The following RGS6 variants were observed in gnomAD, a reference collection of about 807,000 sequenced individuals.
The protein encoded by RGS6 is regulator of G-protein signaling 6.
A neutral mutation model predicts 78.5 loss-of-function variants in RGS6; 30 were observed. That is an observed-to-expected ratio of 0.38 (90% CI 0.29 to 0.52). The LOEUF is 0.52. RGS6 is among the 20% of genes least tolerant of loss of function. RGS6 has a pLI of 0.85. For synonymous variants in RGS6, 206 were observed against 206.0 expected, an observed-to-expected ratio of 1.00 and a Z score of 0.00; for missense variants, 495 against 609.7, an observed-to-expected ratio of 0.81 and a Z score of 1.98.
At chr14:72,433,345 T>G in intron 3 of RGS6, among the ~76,000 whole-genome samples, 1 of 150,892 alleles carries the variant, frequency 6.6e-6, no homozygotes, top group Non-Finnish European at 1.5e-5. Context: ...GGGGTTGGGG[T>G]ATGGGGAGGG....
At chr14:72,423,485 AC>A (rs2094296950) in intron 3 of RGS6, among the ~76,000 whole-genome samples, 1 of 152,252 alleles carries the variant, frequency 6.6e-6, no homozygotes, top group Admixed American at 6.5e-5. Flanking sequence ...GGAATACTAC[AC>A]AGCCATGAAA....
At chr14:72,023,014 A>G (rs56098489) in intron 2 of RGS6, among the ~76,000 whole-genome samples, 1 of 152,104 alleles carries the variant, frequency 6.6e-6, no homozygotes, top group African/African-American at 2.4e-5. Context: ...GTGTTCATCT[A>G]TACTTCCAAA....
intron 2 of RGS6, among the ~76,000 whole-genome samples, chr14:72,307,835 T>C (rs139616164): frequency 7.7e-4 from 117 of 152,294 alleles, no homozygotes; most frequent in South Asian, 1.0e-3. Context: ...AATGACAAAT[T>C]TTCCAATCAA....
intron 2 of RGS6, among the ~76,000 whole-genome samples, chr14:72,227,163 C>T (rs566749970): frequency 6.6e-6 from 1 of 152,354 alleles, no homozygotes; most frequent in Non-Finnish European, 1.5e-5. Context: ...TGTGTGTGTT[C>T]AATCAAATGG....
rs550268253 is a variant in RGS6 at position 72,141,511 on chromosome 14, A to G, written c.84+176636A>G. Among the ~76,000 whole-genome samples, 170 of 152,302 alleles carry G rather than the reference A, an allele frequency of 1.1e-3. 1 individual carries two copies. Among genetic ancestry groups the G allele is most frequent in the African/African-American group, 3.3e-3 (136 of 41,558 alleles). On this transcript the variant is annotated intron_variant, in intron 2 of 17. Coordinates refer to ENST00000553525, the MANE Select transcript of RGS6 (RefSeq NM_001204424.2). ...TTTTAGGAGTTGATTCTCTCCGGGT[A>G]ATATCTGGAGCTCTCTAAAGTTTCA...
chr14:72,191,175 G>A (rs2097319655), intron 2 of RGS6, among the ~76,000 whole-genome samples: 1 of 152,128 alleles, frequency 6.6e-6, no homozygotes, highest in African/African-American at 2.4e-5. Context: ...TAATGGGGCT[G>A]GTACTAGCAT....
At chr14:72,152,360 G>A (rs951894508) in intron 2 of RGS6, among the ~76,000 whole-genome samples, 2 of 152,086 alleles carry the variant, frequency 1.3e-5, no homozygotes, top group African/African-American at 4.8e-5. Context: ...AAGTGGAACT[G>A]TCTAGTGAAT....
intron 2 of RGS6, among the ~76,000 whole-genome samples, chr14:72,232,194 G>A (rs2049819035): frequency 6.6e-6 from 1 of 152,188 alleles, no homozygotes; most frequent in African/African-American, 2.4e-5. Context: ...GATGGCCCAG[G>A]ACCCTAGAGC....
At chr14:72,514,362 G>C (rs1172867753) in intron 14 of RGS6, among the ~76,000 whole-genome samples, 15 of 152,216 alleles carry the variant, frequency 9.9e-5, no homozygotes, top group Admixed American at 9.2e-4. Flanking sequence ...TGGTGACTGA[G>C]GGCCTGCCCA....
At chr14:72,160,470 G>A (rs988987524) in intron 2 of RGS6, among the ~76,000 whole-genome samples, 4 of 152,194 alleles carry the variant, frequency 2.6e-5, no homozygotes, top group African/African-American at 9.7e-5. Context: ...AGTCCCATTG[G>A]TGAGTTATTT....
At chr14:72,435,530 C>T (rs1199824243) in intron 3 of RGS6, among the ~76,000 whole-genome samples, 1 of 152,202 alleles carries the variant, frequency 6.6e-6, no homozygotes, top group Middle Eastern at 3.2e-3. Context: ...CTTAAAACAA[C>T]ACACATTTAT....
intron 2 of RGS6, among the ~76,000 whole-genome samples, chr14:72,070,017 T>C (rs2094345755): frequency 6.6e-6 from 1 of 152,188 alleles, no homozygotes; most frequent in African/African-American, 2.4e-5. Flanking sequence ...CAAACTGTCT[T>C]GGATTTTGTC....
chr14:72,541,203 G>A, intron 17 of RGS6: 4 of 1,403,946 alleles, frequency 2.8e-6, no homozygotes, highest in South Asian at 1.2e-5. Flanking sequence ...CTGTTGAGGA[G>A]GAAAATCCTT....
intron 2 of RGS6, among the ~76,000 whole-genome samples, chr14:72,190,892 G>T (rs1567425218): frequency 6.6e-6 from 1 of 152,144 alleles, no homozygotes; most frequent in Non-Finnish European, 1.5e-5. Flanking sequence ...TACGATTAGA[G>T]ATGTAGGCTG....
chr14:72,314,956 T>G (rs1286948769), intron 2 of RGS6, among the ~76,000 whole-genome samples: 1 of 152,206 alleles, frequency 6.6e-6, no homozygotes, highest in Non-Finnish European at 1.5e-5. Context: ...AGAAATTGTG[T>G]GAAACATTGC....
In RGS6 at chr14:71,990,483, C is replaced by G. The variant is rs999527083; in HGVS notation, c.84+25608C>G. The G allele has an allele frequency of 1.0e-5, 4 of 395,674 alleles. No individual in the cohort carries two copies. The Admixed American group carries it at 1.2e-4, about 12-fold the overall frequency. 24.5% of individuals were successfully genotyped at this position (395,674 alleles called of 1,614,324 possible). A position where few individuals can be genotyped will look rare whatever the true frequency, so the allele number is the denominator to read the frequency against. On this transcript the variant is annotated intron_variant, in intron 2 of 17. Coordinates refer to ENST00000553525, the MANE Select transcript of RGS6 (RefSeq NM_001204424.2). ...TGGGACATGGGAATATGTTATTAAC[C>G]AGGACAGCTGCTCACAGCTGCACAG...
chr14:72,339,080 A>G (rs989145643), intron 2 of RGS6, among the ~76,000 whole-genome samples: 2 of 152,256 alleles, frequency 1.3e-5, no homozygotes, highest in Non-Finnish European at 2.9e-5. Flanking sequence ...ACTGTAAAGC[A>G]TAAAGAAAAG....
chr14:71,896,982 TACC>T, the RGS6 span, among the ~76,000 whole-genome samples: 23 of 152,244 alleles, frequency 1.5e-4, no homozygotes, highest in African/African-American at 5.5e-4. Context: ...GTAAGCTTGC[TACC>T]ATCTCTCTAC....
chr14:72,160,191 T>A (rs1432120829), intron 2 of RGS6, among the ~76,000 whole-genome samples: 1 of 152,198 alleles, frequency 6.6e-6, no homozygotes, highest in East Asian at 1.9e-4. Flanking sequence ...CAACTGGAAA[T>A]GCCCATGTTA....
Sources: gnomAD v4.1 joint callset for allele counts (sites outside exome capture counted in the v4.1 genomes callset) on GRCh38, gnomAD v4.1.1 for gene constraint, MANE v1.5 for transcripts, NCBI Gene and HGNC (gene_info 2026-07-23, HGNC 2026-07-21) for gene names.